Variants in PIK3AP1 observed in about 807,000 individuals in gnomAD.
PIK3AP1 encodes the protein phosphoinositide-3-kinase adaptor protein 1, also known as phosphoinositide 3-kinase adapter protein 1.
PIK3AP1 carries 21 observed loss-of-function variants against 88.1 expected under a neutral mutation model. The ratio of observed to expected loss-of-function variants is 0.24; its 90% CI spans 0.17 to 0.34. The LOEUF (loss-of-function observed/expected upper bound fraction) is 0.34, where lower values mean the gene tolerates loss of function less well. Ranked by LOEUF, PIK3AP1 falls within the 10% of genes least tolerant of loss-of-function variation. The pLI is 1.00. For missense variants in PIK3AP1, 828 were observed against 1,035.7 expected (o/e 0.80, Z 2.75); for synonymous variants, 398 against 400.0 (o/e 1.00, Z 0.06).
At chr10:96,670,043 C>T (rs1318084740) in intron 2 of PIK3AP1, among the ~76,000 whole-genome samples, 2 of 151,318 alleles carry the variant, frequency 1.3e-5, no homozygotes, top group Admixed American at 6.6e-5. Flanking sequence ...GGCGTGGTGG[C>T]ACGCGCCTGT....
At chr10:96,620,629 T>A in intron 11 of PIK3AP1, 72 bp from the exon 12 acceptor site, 1 of 1,368,034 alleles carries the variant, frequency 7.3e-7, no homozygotes, top group Non-Finnish European at 1.0e-6. Flanking sequence ...GTACGGTTAA[T>A]GAGGCTGGTC....
At chr10:96,708,402 C>T (rs1844391910) in intron 2 of PIK3AP1, among the ~76,000 whole-genome samples, 1 of 151,526 alleles carries the variant, frequency 6.6e-6, no homozygotes, top group African/African-American at 2.4e-5. Flanking sequence ...TGGTAAAATC[C>T]CGTCTCTACT....
At chr10:96,712,548 A>G (rs569011894) in intron 1 of PIK3AP1, among the ~76,000 whole-genome samples, 8 of 152,328 alleles carry the variant, frequency 5.3e-5, no homozygotes, top group Non-Finnish European at 1.0e-4. Flanking sequence ...AAATCATTTC[A>G]AAACTATAGA....
chr10:96,637,684 A>G (rs1387521973), intron 8 of PIK3AP1, among the ~76,000 whole-genome samples: 2 of 152,272 alleles, frequency 1.3e-5, no homozygotes, highest in African/African-American at 4.8e-5. Flanking sequence ...AATTGACTAT[A>G]TTAGGAAATA....
chr10:96,633,228 A>G (rs1213747859), intron 8 of PIK3AP1: 1 of 690,624 alleles, frequency 1.4e-6, no homozygotes, highest in East Asian at 3.2e-5. Context: ...CAATTTACCA[A>G]TCAGGAGCCA....
At chr10:96,644,460 T>C (rs1229864378) in intron 8 of PIK3AP1, among the ~76,000 whole-genome samples, 1 of 152,204 alleles carries the variant, frequency 6.6e-6, no homozygotes, top group Non-Finnish European at 1.5e-5. Context: ...TTATTACCAA[T>C]GCCATATTGG....
intron 13 of PIK3AP1, among the ~76,000 whole-genome samples, chr10:96,612,968 ATATATATATATATATTTTTTTTTTTTTT>A (rs1564954790): frequency 3.7e-5 from 4 of 108,172 alleles, no homozygotes; most frequent in Admixed American, 1.1e-4. Context: ...ATATATATAT[ATATATATATATATATTTTTTTTTTTTTT>A]TTTTTTTTTT....
chr10:96,631,111 G>A (rs1173334900), intron 8 of PIK3AP1, among the ~76,000 whole-genome samples: 1 of 152,160 alleles, frequency 6.6e-6, no homozygotes, highest in Non-Finnish European at 1.5e-5. Flanking sequence ...AAGATGAGGG[G>A]AGGGAGAAAC....
In PIK3AP1 at chr10:96,616,655, T is replaced by C. The variant is rs1849219741; in HGVS notation, c.1998A>G (p.Lys666=). 6.2e-7 allele frequency: 1 copy of C among 1,614,098 alleles called. No individual in the cohort carries two copies. The highest frequency in any genetic ancestry group is 1.3e-5 in the African/African-American group (1 of 74,936). The change falls in exon 13 of 17, where the codon AAA becomes AAG. Residue 666 remains lysine (K), a synonymous_variant. Coordinates refer to ENST00000339364, the MANE Select transcript of PIK3AP1 (RefSeq NM_152309.3). The stretch of plus-strand genomic sequence containing the variant: ...GCCACATACCTGTCTGCTTTCCTGA[T>C]TTTTGCTTCTCTCTCTGTCTTCGGG... ...SITRRQREKQ[K]SGKQTDLEIT...
At chr10:96,629,867 C>T (rs72818982) in intron 8 of PIK3AP1, among the ~76,000 whole-genome samples, 3,818 of 124,964 alleles carry the variant, frequency 0.031, 101 homozygotes, top group Non-Finnish European at 0.038. Flanking sequence ...GCACTCCAGC[C>T]GGGGCGATAG....
intron 1 of PIK3AP1, among the ~76,000 whole-genome samples, chr10:96,716,339 A>G (rs1844502496): frequency 6.6e-6 from 1 of 152,206 alleles, no homozygotes; most frequent in Non-Finnish European, 1.5e-5. Flanking sequence ...CTGGGGTTCT[A>G]GTGTTAAATT....
chr10:96,620,804 C>G (rs1589493651), intron 11 of PIK3AP1: 6 of 460,440 alleles, frequency 1.3e-5, no homozygotes, highest in East Asian at 1.1e-4. Context: ...TCTGCTGACT[C>G]TCCCAAGTCT....
chr10:96,614,029 G>A (rs1021868716), intron 13 of PIK3AP1, among the ~76,000 whole-genome samples: 7 of 152,274 alleles, frequency 4.6e-5, no homozygotes, highest in Non-Finnish European at 4.4e-5. Context: ...TGGCCCCAGA[G>A]TCCATCCCTG....
intron 2 of PIK3AP1, among the ~76,000 whole-genome samples, chr10:96,684,676 TGCAATTGGCAGAACTTAAG>T (rs1844046082): frequency 6.6e-6 from 1 of 152,090 alleles, no homozygotes; most frequent in Non-Finnish European, 1.5e-5. Context: ...AACTTTGAGG[TGCAATTGGCAGAACTTAAG>T]ACAGAATGGG....
chr10:96,656,057 G>A (rs1343120792), intron 3 of PIK3AP1, among the ~76,000 whole-genome samples: 1 of 152,220 alleles, frequency 6.6e-6, no homozygotes, highest in African/African-American at 2.4e-5. Context: ...CCACTGCCAA[G>A]GCTCCCACGC....
intron 2 of PIK3AP1, among the ~76,000 whole-genome samples, chr10:96,687,149 G>A (rs543084265): frequency 1.1e-4 from 16 of 151,412 alleles, no homozygotes; most frequent in African/African-American, 3.6e-4. Flanking sequence ...CCAGCTACTC[G>A]GGAGGCTGAG....
chr10:96,613,776 A>G (rs772435170), intron 13 of PIK3AP1, among the ~76,000 whole-genome samples: 1 of 152,192 alleles, frequency 6.6e-6, no homozygotes, highest in Non-Finnish European at 1.5e-5. Context: ...AGAGGACCTC[A>G]GCTGGTGTGT....
Position 96,609,856 on chromosome 10 carries a change from T to A in PIK3AP1, c.2026A>T (p.Thr676Ser). 1 of 1,613,916 alleles carries A rather than the reference T, an allele frequency of 6.2e-7. No individual in the cohort carries two copies. Among genetic ancestry groups the A allele is most frequent in the Non-Finnish European group, 8.5e-7 (1 of 1,179,934 alleles). The change falls in exon 14 of 17, where the codon ACG becomes TCG. Residue 676 changes from threonine to serine, a missense_variant. Thr to Ser is a moderately conservative substitution (Grantham distance 58). Around this residue, in one of 3 missense-constraint regions of PIK3AP1, gnomAD observed 191 missense variants for 208.6 expected, o/e 0.92. Transcript: ENST00000339364. Reference protein sequence around the residue: ...KSGKQTDLEITVPIRHSQHLP... With the variant: ...KSGKQTDLEISVPIRHSQHLP... The stretch of plus-strand genomic sequence containing the variant: ...TGCTGTGAGTGCCGAATTGGGACCG[T>A]GATCTCCAAGTCTGGAATTGGAGGA...
intron 16 of PIK3AP1, among the ~76,000 whole-genome samples, chr10:96,596,379 G>GC (rs1013496020): frequency 6.6e-6 from 1 of 152,190 alleles, no homozygotes; most frequent in Non-Finnish European, 1.5e-5. Context: ...TCCCCATGTA[G>GC]CCCCCTATGG....
Sources: gnomAD v4.1 joint callset for allele counts (sites outside exome capture counted in the v4.1 genomes callset) on GRCh38, gnomAD v4.1.1 for gene constraint, gnomAD v4.1.1 regional missense constraint, MANE v1.5 for transcripts, NCBI Gene and HGNC (gene_info 2026-07-23, HGNC 2026-07-21) for gene names.